The following COX7B2 variants were observed in gnomAD, a reference collection of about 807,000 sequenced individuals.
COX7B2 encodes the protein cytochrome c oxidase subunit 7B2, mitochondrial.
For synonymous variants in COX7B2, 37 were observed against 32.1 expected (o/e 1.15, Z -0.51); for missense variants, 109 against 95.9 (o/e 1.14, Z -0.57).
chr4:46,797,180 TG>T (rs1560386776), intron 2 of COX7B2, among the ~76,000 whole-genome samples: 1 of 151,428 alleles, frequency 6.6e-6, no homozygotes, highest in Non-Finnish European at 1.5e-5. Context: ...AAACTTATTT[TG>T]TTCATCTTTC....
chr4:46,826,873 T>C (rs1234247792), intron 2 of COX7B2, among the ~76,000 whole-genome samples: 1 of 151,642 alleles, frequency 6.6e-6, no homozygotes, highest in Non-Finnish European at 1.5e-5. Context: ...TGTGGAGGGA[T>C]GGAGGAGGGA....
At chr4:46,756,340 C>A (rs1403770938) in intron 2 of COX7B2, among the ~76,000 whole-genome samples, 1 of 151,790 alleles carries the variant, frequency 6.6e-6, no homozygotes, top group East Asian at 1.9e-4. Flanking sequence ...AACATAAGAC[C>A]TAAAAGTATA....
chr4:46,833,032 A>T (rs1368841234), intron 2 of COX7B2, among the ~76,000 whole-genome samples: 1 of 151,856 alleles, frequency 6.6e-6, no homozygotes, highest in African/African-American at 2.4e-5. Flanking sequence ...CAGCCTCCCG[A>T]GTAGCTGGGA....
intron 2 of COX7B2, among the ~76,000 whole-genome samples, chr4:46,802,942 G>A (rs1718736740): frequency 1.3e-5 from 2 of 152,210 alleles, no homozygotes; most frequent in Middle Eastern, 3.4e-3. Context: ...GAGCTAATAG[G>A]TACCTGAAGA....
chr4:46,738,084 C>G (rs952116580), intron 2 of COX7B2, among the ~76,000 whole-genome samples: 1 of 152,114 alleles, frequency 6.6e-6, no homozygotes, highest in Admixed American at 6.6e-5. Context: ...CAGGGTATGA[C>G]AGGTGCAGCC....
At chr4:46,896,159 T>C (rs1365506307) in intron 1 of COX7B2, among the ~76,000 whole-genome samples, 1 of 152,224 alleles carries the variant, frequency 6.6e-6, no homozygotes, top group Non-Finnish European at 1.5e-5. Flanking sequence ...TGCGTATACC[T>C]GAGTATAAAC....
chr4:46,836,699 A>G (rs148618238), intron 2 of COX7B2, among the ~76,000 whole-genome samples: 54 of 152,318 alleles, frequency 3.5e-4, no homozygotes, highest in African/African-American at 1.2e-3. Context: ...AATGAACTGT[A>G]TATAATGGTA....
At chr4:46,874,110 T>C (rs1187458523) in intron 1 of COX7B2, among the ~76,000 whole-genome samples, 1 of 152,216 alleles carries the variant, frequency 6.6e-6, no homozygotes, top group Non-Finnish European at 1.5e-5. Context: ...GAACTTGGCA[T>C]ATCCATACAT....
chr4:46,760,011 A>T (rs1716053026), intron 2 of COX7B2, among the ~76,000 whole-genome samples: 1 of 152,050 alleles, frequency 6.6e-6, no homozygotes, highest in Non-Finnish European at 1.5e-5. Context: ...TTACCGTAAC[A>T]GAAACAAGAA....
At chr4:46,873,336 C>T (rs1718121590) in intron 1 of COX7B2, among the ~76,000 whole-genome samples, 1 of 152,124 alleles carries the variant, frequency 6.6e-6, no homozygotes, top group Admixed American at 6.5e-5. Flanking sequence ...TGGGTATATA[C>T]CCAGTAATGG....
intron 2 of COX7B2, among the ~76,000 whole-genome samples, chr4:46,748,182 C>A (rs1298135858): frequency 1.3e-5 from 2 of 152,152 alleles, no homozygotes; most frequent in Non-Finnish European, 2.9e-5. Flanking sequence ...CAGGACCAGA[C>A]TTAAGGTAGA....
intron 1 of COX7B2, among the ~76,000 whole-genome samples, chr4:46,850,226 A>G (rs543261911): frequency 5.4e-5 from 8 of 148,482 alleles, no homozygotes; most frequent in African/African-American, 2.0e-4. Context: ...AATTTTAAAT[A>G]ATTTAAAATG....
At chr4:46,782,519 C>T (rs374699471) in intron 2 of COX7B2, among the ~76,000 whole-genome samples, 3 of 151,880 alleles carry the variant, frequency 2.0e-5, no homozygotes, top group Non-Finnish European at 2.9e-5. Context: ...ATGTTGGGGG[C>T]GGGGGTCCCA....
intron 2 of COX7B2, among the ~76,000 whole-genome samples, chr4:46,781,266 T>C (rs931129995): frequency 2.0e-4 from 31 of 152,292 alleles, no homozygotes; most frequent in African/African-American, 7.0e-4. Flanking sequence ...ATTCGGATAA[T>C]AGACCCCTTC....
intron 1 of COX7B2, among the ~76,000 whole-genome samples, chr4:46,889,293 A>C (rs183533722): frequency 8.5e-5 from 13 of 152,282 alleles, no homozygotes; most frequent in African/African-American, 2.9e-4. Context: ...TGGATTTCAA[A>C]CTGTAGTCCT....
chr4:46,737,851 C>A (rs1486616372), intron 2 of COX7B2, among the ~76,000 whole-genome samples: 1 of 152,074 alleles, frequency 6.6e-6, no homozygotes, highest in Admixed American at 6.6e-5. Flanking sequence ...AGACTTTATT[C>A]CAACTTTGAA....
intron 1 of COX7B2, among the ~76,000 whole-genome samples, chr4:46,845,672 G>T (rs929150050): frequency 6.6e-6 from 1 of 151,816 alleles, no homozygotes; most frequent in African/African-American, 2.4e-5. Flanking sequence ...AAGAGCATAG[G>T]ATAAAAGAAA....
intron 1 of COX7B2, among the ~76,000 whole-genome samples, chr4:46,882,641 T>G (rs1651301018): frequency 6.6e-6 from 1 of 152,210 alleles, no homozygotes; most frequent in Non-Finnish European, 1.5e-5. Context: ...TTCTGATCGC[T>G]GGGTAGATTT....
chr4:46,803,732 C>CTTTT (rs5858039), intron 2 of COX7B2, among the ~76,000 whole-genome samples: 17 of 123,232 alleles, frequency 1.4e-4, no homozygotes, highest in African/African-American at 2.2e-4. Flanking sequence ...GGTTTACTTT[C>CTTTT]TTTTTTTTTT....
Sources: gnomAD v4.1 joint callset for allele counts (sites outside exome capture counted in the v4.1 genomes callset) on GRCh38, gnomAD v4.1.1 for gene constraint, MANE v1.5 for transcripts, NCBI Gene and HGNC (gene_info 2026-07-23, HGNC 2026-07-21) for gene names.